GOLPH3: variants seen among roughly 807,000 people sequenced by gnomAD.
GOLPH3 encodes golgi phosphoprotein 3, also known as coat protein GPP34.
Under a neutral mutation model 28.5 loss-of-function variants are expected in GOLPH3, and 14 were observed. The observed-to-expected ratio is 0.49, with a 90% CI of 0.32 to 0.77. GOLPH3 has a LOEUF of 0.77. GOLPH3 is among the 30% of genes least tolerant of loss of function. The probability of loss-of-function intolerance (pLI) is 0.03; values close to 1 mark genes in which losing one functional copy is unlikely to be tolerated. For synonymous variants in GOLPH3, 158 were observed against 159.2 expected (o/e 0.99, Z 0.06); for missense variants, 350 against 393.7 (o/e 0.89, Z 0.94).
chr5:32,137,904 T>G (rs986152094), intron 2 of GOLPH3, among the ~76,000 whole-genome samples: 3 of 5,252 alleles, frequency 5.7e-4, no homozygotes, highest in African/African-American at 1.0e-3. Flanking sequence ...ATTACGGTTT[T>G]TTTTGTTTTT....
At chr5:32,133,875 T>C (rs1745878607) in intron 3 of GOLPH3, among the ~76,000 whole-genome samples, 1 of 152,142 alleles carries the variant, frequency 6.6e-6, no homozygotes, top group African/African-American at 2.4e-5. Context: ...GGGGGGAAAG[T>C]ATAAGTCAGA....
chr5:32,171,797 C>CATT (rs1746843331), intron 1 of GOLPH3, among the ~76,000 whole-genome samples: 1 of 151,678 alleles, frequency 6.6e-6, no homozygotes, highest in African/African-American at 2.4e-5. Context: ...AAAATAAAAA[C>CATT]ATTAGCAGGG....
At chr5:32,159,484 G>C (rs947582011) in intron 1 of GOLPH3, among the ~76,000 whole-genome samples, 22 of 152,276 alleles carry the variant, frequency 1.4e-4, no homozygotes, top group African/African-American at 5.1e-4. Context: ...TGCTTGACTG[G>C]TATCACTTTT....
In GOLPH3 at chr5:32,126,110, A is replaced by C; in HGVS notation, c.*102T>G. The C allele has an allele frequency of 1.6e-6, 2 of 1,236,954 alleles. No individual in the cohort carries two copies. The highest frequency in any genetic ancestry group is 2.3e-5 in the East Asian group (1 of 42,778). 76.6% of individuals were successfully genotyped at this position (1,236,954 alleles called of 1,614,324 possible). A position where few individuals can be genotyped will look rare whatever the true frequency, so the allele number is the denominator to read the frequency against. ...CCACCATTTTGTAAAACAGAAGCCA[A>C]TTATAGTGTGGGAAAGTACAAATTA... On this transcript the variant is annotated 3_prime_UTR_variant, in exon 4 of 4. Coordinates refer to ENST00000265070, the MANE Select transcript of GOLPH3 (RefSeq NM_022130.4).
chr5:32,139,043 G>A (rs762805194), intron 2 of GOLPH3, among the ~76,000 whole-genome samples: 1 of 152,174 alleles, frequency 6.6e-6, no homozygotes, highest in Non-Finnish European at 1.5e-5. Context: ...TCTTATGTCA[G>A]GGACACCAGA....
At chr5:32,136,237 TG>T in intron 2 of GOLPH3, among the ~76,000 whole-genome samples, 1 of 151,866 alleles carries the variant, frequency 6.6e-6, no homozygotes, top group Non-Finnish European at 1.5e-5. Context: ...CCCAGCACCT[TG>T]GGAGGCCGAG....
At chr5:32,137,575 C>T (rs1223180540) in intron 2 of GOLPH3, among the ~76,000 whole-genome samples, 3 of 151,962 alleles carry the variant, frequency 2.0e-5, no homozygotes, top group Non-Finnish European at 4.4e-5. Flanking sequence ...AGGAGAATTG[C>T]TTGAACCCAG....
At chr5:32,149,115 C>T (rs1746246982) in intron 1 of GOLPH3, among the ~76,000 whole-genome samples, 1 of 152,184 alleles carries the variant, frequency 6.6e-6, no homozygotes, top group African/African-American at 2.4e-5. Context: ...GCTGTACTGG[C>T]TGTGTGGATT....
At chr5:32,171,674 G>A (rs1446821721) in intron 1 of GOLPH3, among the ~76,000 whole-genome samples, 2 of 151,988 alleles carry the variant, frequency 1.3e-5, no homozygotes, top group Admixed American at 6.5e-5. Flanking sequence ...ATGGCCGGGC[G>A]TGGTGGCTCA....
chr5:32,153,365 T>A (rs1462974827), intron 1 of GOLPH3, among the ~76,000 whole-genome samples: 1 of 148,716 alleles, frequency 6.7e-6, no homozygotes, highest in Non-Finnish European at 1.5e-5. Flanking sequence ...AGAAGAAAGA[T>A]GGAAATGAGA....
chr5:32,136,808 T>C (rs1230348775), intron 2 of GOLPH3, among the ~76,000 whole-genome samples: 1 of 152,220 alleles, frequency 6.6e-6, no homozygotes, highest in Non-Finnish European at 1.5e-5. Context: ...TTCCAAAATC[T>C]TAAACATTTC....
At chr5:32,145,363 A>G (rs1010054103) in intron 1 of GOLPH3, among the ~76,000 whole-genome samples, 2 of 152,222 alleles carry the variant, frequency 1.3e-5, no homozygotes, top group African/African-American at 4.8e-5. Context: ...GATCAAATGA[A>G]GATTACCAGA....
chr5:32,127,618 C>T (rs1293956875), intron 3 of GOLPH3, among the ~76,000 whole-genome samples: 3 of 152,178 alleles, frequency 2.0e-5, no homozygotes, highest in Non-Finnish European at 4.4e-5. Flanking sequence ...AGTGGCTACA[C>T]CCCACAGGAA....
chr5:32,174,128 G>T lies in GOLPH3; in HGVS notation c.-94C>A. ...CGCGCGGCCTCCGATCCGGGTTTCC[G>T]TGTTAAATCCGGACGCCGGGGCGAC... On this transcript the variant is annotated 5_prime_UTR_variant, in exon 1 of 4. Transcript: ENST00000265070. The T allele has an allele frequency of 1.1e-6, 1 of 900,250 alleles. No homozygotes were observed. The highest frequency in any genetic ancestry group is 1.5e-6 in the Non-Finnish European group (1 of 687,296). 55.8% of individuals were successfully genotyped at this position (900,250 alleles called of 1,614,324 possible).
At position 32,164,164 on chromosome 5, in the gene GOLPH3, A is replaced by G. The variant is rs151009119; in HGVS notation, c.225+9646T>C. On this transcript the variant is annotated intron_variant, in intron 1 of 3. Coordinates refer to ENST00000265070, the MANE Select transcript of GOLPH3 (RefSeq NM_022130.4). ...CTACAAGCCAAATTCTATTGCAATAAAAATTCCTATCAGAGAAAAAGATTT... is the reference window on the plus strand; with the variant it reads ...CTACAAGCCAAATTCTATTGCAATAGAAATTCCTATCAGAGAAAAAGATTT... Among the ~76,000 whole-genome samples, 147 of 152,322 alleles carry G rather than the reference A, an allele frequency of 9.7e-4. 1 individual carries two copies. Among genetic ancestry groups the G allele is most frequent in the African/African-American group, 3.4e-3 (142 of 41,574 alleles).
At chr5:32,127,237 G>A (rs1745702301) in intron 3 of GOLPH3, among the ~76,000 whole-genome samples, 1 of 152,110 alleles carries the variant, frequency 6.6e-6, no homozygotes, top group East Asian at 1.9e-4. Context: ...TCACTAAAGT[G>A]GGTTCTTCTT....
chr5:32,169,398 T>C (rs1393493335), intron 1 of GOLPH3, among the ~76,000 whole-genome samples: 1 of 152,216 alleles, frequency 6.6e-6, no homozygotes, highest in Non-Finnish European at 1.5e-5. Flanking sequence ...ATGGAATGAC[T>C]ACTTTTCCAT....
At chr5:32,162,529 G>C (rs1046846697) in intron 1 of GOLPH3, among the ~76,000 whole-genome samples, 1 of 151,784 alleles carries the variant, frequency 6.6e-6, no homozygotes, top group African/African-American at 2.4e-5. Context: ...AAAAATACAC[G>C]CATAGATGAG....
intron 3 of GOLPH3, among the ~76,000 whole-genome samples, chr5:32,129,591 A>C (rs1383380334): frequency 6.6e-6 from 1 of 152,236 alleles, no homozygotes; most frequent in East Asian, 1.9e-4. Context: ...GAATAGGGCC[A>C]TAAGAACAAA....
Sources: allele counts gnomAD v4.1 joint callset (sites outside exome capture counted in the v4.1 genomes callset), GRCh38; gene constraint gnomAD v4.1.1; transcripts MANE v1.5; gene names NCBI Gene and HGNC (gene_info 2026-07-23, HGNC 2026-07-21).